RNF19A: variants seen among roughly 807,000 people sequenced by gnomAD.
RNF19A encodes ring finger protein 19A, RBR E3 ubiquitin protein ligase, also known as E3 ubiquitin-protein ligase RNF19A.
RNF19A carries 32 observed loss-of-function variants against 75.7 expected under a neutral mutation model. The ratio of observed to expected loss-of-function variants is 0.42; its 90% CI spans 0.32 to 0.57. The LOEUF (loss-of-function observed/expected upper bound fraction) is 0.57. Ranked by LOEUF, RNF19A falls within the 20% of genes least tolerant of loss-of-function variation. The probability of loss-of-function intolerance (pLI) is 0.10; values close to 1 mark genes in which losing one functional copy is unlikely to be tolerated. For synonymous variants in RNF19A, 335 were observed against 345.2 expected, an observed-to-expected ratio of 0.97 and a Z score of 0.33; for missense variants, 782 against 1,036.3, an observed-to-expected ratio of 0.75 and a Z score of 3.37.
At chr8:100,301,502 C>T (rs1176871084) in intron 1 of RNF19A, among the ~76,000 whole-genome samples, 3 of 152,192 alleles carry the variant, frequency 2.0e-5, no homozygotes, top group African/African-American at 7.2e-5. Context: ...AAAAACCCCA[C>T]ACTTTAGCCA....
chr8:100,312,571 G>C (rs1323628001), upstream of RNF19A, among the ~76,000 whole-genome samples: 1 of 151,470 alleles, frequency 6.6e-6, no homozygotes, highest in African/African-American at 2.4e-5. Flanking sequence ...CAGCCTGGGC[G>C]ACAGAGTGAG....
rs968921783 is a variant in RNF19A, at chr8:100,332,529, C to A, written c.-243+3579G>T. Reference sequence around the variant, plus strand: ...TCAGTTTCAGGGAAGTTCTTTATAGCAGTGTGAAAACAGACTAATACAATA... The same window carrying A: ...TCAGTTTCAGGGAAGTTCTTTATAGAAGTGTGAAAACAGACTAATACAATA... On this transcript the variant is annotated intron_variant, in intron 1 of 3. Transcript: ENST00000519527. This position sits in a 1 kb window ranked among gnomAD's most constrained non-coding sequence, Gnocchi z 4.8. Among the ~76,000 whole-genome samples, 4 of 152,190 alleles carry A rather than the reference C, an allele frequency of 2.6e-5. No homozygotes were observed. The highest frequency in any genetic ancestry group is 9.6e-5 in the African/African-American group (4 of 41,456).
intron 1 of RNF19A, among the ~76,000 whole-genome samples, chr8:100,307,280 T>C (rs1293593059): frequency 6.6e-6 from 1 of 152,184 alleles, no homozygotes; most frequent in Non-Finnish European, 1.5e-5. Flanking sequence ...GCAATTCAGA[T>C]GTAAATATTA....
rs566245149 is a variant in RNF19A at position 100,303,717 on chromosome 8, A to AGTTC, written c.-94+6146_-94+6149dup. 5.1e-3 allele frequency among the ~76,000 whole-genome samples: 752 copies of AGTTC among 147,842 alleles called. 5 individuals carry two copies. The highest frequency in any genetic ancestry group is 0.018 in the African/African-American group (718 of 40,204). ...CGTGGGCGGATCACTTGAGTCCAGG[A>AGTTC]GTTCGAAATCAGCCTGGCCAACATG... On this transcript the variant is annotated intron_variant, in intron 1 of 9. Coordinates refer to ENST00000341084, the MANE Select transcript of RNF19A (RefSeq NM_183419.4).
At chr8:100,305,196 C>A (rs1253722761) in intron 1 of RNF19A, among the ~76,000 whole-genome samples, 1 of 152,194 alleles carries the variant, frequency 6.6e-6, no homozygotes, top group Non-Finnish European at 1.5e-5. Flanking sequence ...GCTCCCCATA[C>A]TGCTGGGATT....
chr8:100,331,142 A>T lies in RNF19A; in HGVS notation c.-243+4966T>A, dbSNP rs568416582. On this transcript the variant is annotated intron_variant, in intron 1 of 3. Coordinates refer to the RNF19A transcript ENST00000519527. This position sits in a 1 kb window ranked among gnomAD's most constrained non-coding sequence, Gnocchi z 5.2. ...TATGGGTCAGGTGCTGGGCAATTCA[A>T]TAAGAAAGACAACATTCACAGCCTG... 2.0e-5 allele frequency among the ~76,000 whole-genome samples: 3 copies of T among 152,336 alleles called. No homozygotes were observed. Among genetic ancestry groups the T allele is most frequent in the African/African-American group, 7.2e-5 (3 of 41,576 alleles).
chr8:100,319,235 T>C (rs1457233180), intron 1 of RNF19A, among the ~76,000 whole-genome samples: 2 of 152,138 alleles, frequency 1.3e-5, no homozygotes, highest in Non-Finnish European at 2.9e-5. Context: ...AAAATTTTAG[T>C]GATATTATGT....
rs528209832 is a variant in RNF19A at position 100,269,022 on chromosome 8, A to T, written c.1029-75T>A. 8 of 1,178,724 alleles carry T rather than the reference A, an allele frequency of 6.8e-6. No homozygotes were observed. In the African/African-American group the frequency reaches 1.3e-4, roughly 18 times the overall value. 73.0% of individuals were successfully genotyped at this position (1,178,724 alleles called of 1,614,324 possible). A position where few individuals can be genotyped will look rare whatever the true frequency, so the allele number is the denominator to read the frequency against. The stretch of plus-strand genomic sequence containing the variant: ...ACAAATTAGTGCACTATATTAAAAC[A>T]ATGACTATTTTTAAAAACTTCTCAT... On this transcript the variant is annotated intron_variant, in intron 4 of 9. Transcript: ENST00000341084. The surrounding 1 kb of genome is among the most constrained non-coding windows in gnomAD (Gnocchi z 5.7).
chr8:100,275,818 T>TA lies in RNF19A; in HGVS notation c.675-658dup, dbSNP rs879573724. Among the ~76,000 whole-genome samples the TA allele has an allele frequency of 4.6e-5, 7 of 152,304 alleles. No individual in the cohort carries two copies. Among genetic ancestry groups the TA allele is most frequent in the Admixed American group, 3.9e-4 (6 of 15,302 alleles). On this transcript the variant is annotated intron_variant, in intron 2 of 9. Coordinates refer to ENST00000341084, the MANE Select transcript of RNF19A (RefSeq NM_183419.4). This position sits in a 1 kb window ranked among gnomAD's most constrained non-coding sequence, Gnocchi z 4.3. ...TGCCTGTTTAAAAATGTAGTGACTA[T>TA]AGGTTAGTTTTAACTGTCAGGTAAT...
intron 3 of RNF19A, among the ~76,000 whole-genome samples, chr8:100,270,854 T>A (rs768342419): frequency 2.0e-5 from 3 of 152,264 alleles, no homozygotes; most frequent in Non-Finnish European, 4.4e-5. Context: ...CAATGCACAA[T>A]GGCGTCAAGT....
rs1423677417 is a variant in RNF19A at position 100,332,912 on chromosome 8, A to AT, written c.-243+3195dup. 6.6e-6 allele frequency among the ~76,000 whole-genome samples: 1 copy of AT among 151,696 alleles called. No homozygotes were observed. The highest frequency in any genetic ancestry group is 1.5e-5 in the Non-Finnish European group (1 of 67,884). On this transcript the variant is annotated intron_variant, in intron 1 of 3. Transcript: ENST00000519527. The surrounding 1 kb of genome is among the most constrained non-coding windows in gnomAD (Gnocchi z 4.8). Reference sequence around the variant, plus strand: ...CCTCTTTTCTATCATATGTGTTTCAATTTTTTTCTATATTGCTGTTTAATC... The same window carrying AT: ...CCTCTTTTCTATCATATGTGTTTCAATTTTTTTTCTATATTGCTGTTTAATC...
rs993124766 is a variant in RNF19A, at chr8:100,259,706, G to A, written c.1826+148C>T. ...ACAAATCCACTTTATGATCTATACA[G>A]ATTTGCCTACTCTGGACAGCTCACT... On this transcript the variant is annotated intron_variant, in intron 9 of 9. Coordinates refer to ENST00000341084, the MANE Select transcript of RNF19A (RefSeq NM_183419.4). The surrounding 1 kb of genome is among the most constrained non-coding windows in gnomAD (Gnocchi z 4.5). 4.4e-6 allele frequency: 3 copies of A among 682,372 alleles called. No individual in the cohort carries two copies. The highest frequency in any genetic ancestry group is 6.0e-5 in the Admixed American group (2 of 33,304). 42.3% of individuals were successfully genotyped at this position (682,372 alleles called of 1,614,324 possible). A position where few individuals can be genotyped will look rare whatever the true frequency, so the allele number is the denominator to read the frequency against.
chr8:100,280,169 T>G (rs1456276959), intron 2 of RNF19A, among the ~76,000 whole-genome samples: 3 of 152,214 alleles, frequency 2.0e-5, no homozygotes, highest in Non-Finnish European at 4.4e-5. Context: ...TGCCCGGCCC[T>G]TGATTGCTAG....
In RNF19A at chr8:100,317,718, T is replaced by C. The variant is rs144766005; in HGVS notation, c.-242-4346A>G. ...AAACTCCATGTTTGACAGGATGAGG[T>C]TGGCTCACGAGGTCTAGAGTGGCAG... On this transcript the variant is annotated intron_variant, in intron 1 of 3. Coordinates refer to the RNF19A transcript ENST00000519527. This position sits in a 1 kb window ranked among gnomAD's most constrained non-coding sequence, Gnocchi z 4.3. Among the ~76,000 whole-genome samples the C allele has an allele frequency of 2.1e-3, 320 of 152,290 alleles. 4 individuals are homozygous for C. The highest frequency in any genetic ancestry group is 7.3e-3 in the African/African-American group (304 of 41,554).
chr8:100,325,425 A>T lies in RNF19A; in HGVS notation c.-243+10683T>A, dbSNP rs947639123. On this transcript the variant is annotated intron_variant, in intron 1 of 3. Transcript: ENST00000519527. The surrounding 1 kb of genome is among the most constrained non-coding windows in gnomAD (Gnocchi z 4.3). ...GTCTGCTAATTTGCCCCTCTGTTTA[A>T]CCTGGCCAGTTTCATGATCTCTGAT... Among the ~76,000 whole-genome samples, 5 of 152,100 alleles carry T rather than the reference A, an allele frequency of 3.3e-5. No individual in the cohort carries two copies. The highest frequency in any genetic ancestry group is 2.0e-4 in the Admixed American group (3 of 15,278).
At position 100,262,286 on chromosome 8, in the gene RNF19A, G is replaced by C. The variant is rs143307343; in HGVS notation, c.1469-531C>G. ...AAATGCTATGAGGAAAAATACAAGA[G>C]AGTAAAGGGGAGGAGAGTGATGAAA... On this transcript the variant is annotated intron_variant, in intron 7 of 9. Coordinates refer to ENST00000341084, the MANE Select transcript of RNF19A (RefSeq NM_183419.4). Among the ~76,000 whole-genome samples, 3 of 152,290 alleles carry C rather than the reference G, an allele frequency of 2.0e-5. No individual in the cohort carries two copies. The East Asian group carries it at 5.8e-4, about 29-fold the overall frequency.
At chr8:100,281,357 A>G (rs1238443656) in intron 2 of RNF19A, among the ~76,000 whole-genome samples, 1 of 152,220 alleles carries the variant, frequency 6.6e-6, no homozygotes. Flanking sequence ...AGGATTTGCT[A>G]AAACAATTAA....
Position 100,324,438 on chromosome 8 carries a change from T to G in RNF19A, c.-242-11066A>C, listed in dbSNP as rs890028228. On this transcript the variant is annotated intron_variant, in intron 1 of 3. Coordinates refer to the RNF19A transcript ENST00000519527. The surrounding 1 kb of genome is among the most constrained non-coding windows in gnomAD (Gnocchi z 4.2). ...TTTATAGACCCAACAGGAAAACAAG[T>G]GTGGAATTCTTGTTTTTCTTTAAAA... 2.0e-5 allele frequency among the ~76,000 whole-genome samples: 3 copies of G among 152,218 alleles called. No homozygotes were observed. The highest frequency in any genetic ancestry group is 2.0e-4 in the Admixed American group (3 of 15,290).
At chr8:100,296,263 C>T (rs548665244) in intron 1 of RNF19A, among the ~76,000 whole-genome samples, 29 of 152,120 alleles carry the variant, frequency 1.9e-4, no homozygotes, top group Non-Finnish European at 3.4e-4. Context: ...TGCCACCATG[C>T]CTGGCTAATT....
Sources: allele counts gnomAD v4.1 joint callset (sites outside exome capture counted in the v4.1 genomes callset), GRCh38; gene constraint gnomAD v4.1.1; non-coding constraint Gnocchi (gnomAD v3.1); transcripts MANE v1.5; gene names NCBI Gene and HGNC (gene_info 2026-07-23, HGNC 2026-07-21).